The following RLN1 variants were observed in gnomAD, a reference collection of about 807,000 sequenced individuals.
The protein encoded by RLN1 is prorelaxin H1.
A neutral mutation model predicts 7.2 loss-of-function variants in RLN1; 4 were observed. That is an observed-to-expected ratio of 0.56 (90% CI 0.28 to 1.28). RLN1 has a LOEUF of 1.28. RLN1 is among the 50% of genes most tolerant of loss of function. The pLI, the probability that RLN1 is intolerant of heterozygous loss-of-function variation, is 0.11. For synonymous variants in RLN1, 105 were observed against 86.0 expected, an observed-to-expected ratio of 1.22 and a Z score of -1.22; for missense variants, 293 against 221.1, an observed-to-expected ratio of 1.32 and a Z score of -2.06.
chr9:5,335,893 G>C (rs1352630706), intron 1 of RLN1, among the ~76,000 whole-genome samples: 1 of 151,914 alleles, frequency 6.6e-6, no homozygotes, highest in Non-Finnish European at 1.5e-5. Flanking sequence ...ACATTACTCT[G>C]TCATCTTTCT....
intron 1 of RLN1, among the ~76,000 whole-genome samples, chr9:5,338,135 C>T (rs1408164889): frequency 6.2e-5 from 8 of 129,264 alleles, no homozygotes; most frequent in African/African-American, 2.4e-4. Context: ...TTAATATCTA[C>T]GAGTGCTTCT....
Position 5,335,216 on chromosome 9 carries a change from G to T in RLN1, c.*35C>A. ...GTGAAATGTCATCAAGACTATGTGT[G>T]AAAATTAGACAAGATGTGCACAATT... is the stretch of plus-strand genomic sequence containing the variant. On this transcript the variant is annotated 3_prime_UTR_variant, in exon 2 of 2. Transcript: ENST00000223862. The T allele has an allele frequency of 8.8e-6, 12 of 1,366,254 alleles. No individual in the cohort carries two copies. Among genetic ancestry groups the T allele is most frequent in the Non-Finnish European group, 1.2e-5 (12 of 993,326 alleles). 84.6% of individuals were successfully genotyped at this position (1,366,254 alleles called of 1,614,324 possible).
intron 1 of RLN1, among the ~76,000 whole-genome samples, chr9:5,336,708 G>C (rs575704044): frequency 4.6e-5 from 7 of 152,116 alleles, no homozygotes; most frequent in African/African-American, 1.4e-4. Context: ...TGTAAACTCA[G>C]ATCAGGTCTT....
chr9:5,335,226 C>T lies in RLN1; in HGVS notation c.*25G>A, dbSNP rs777682508. The T allele has an allele frequency of 7.0e-7, 1 of 1,428,402 alleles. No individual in the cohort carries two copies. Among genetic ancestry groups the T allele is most frequent in the African/African-American group, 1.4e-5 (1 of 69,650 alleles). The allele number at this position is 1,428,402 out of a possible 1,614,324, so 88.5% of individuals were successfully genotyped here. On this transcript the variant is annotated 3_prime_UTR_variant, in exon 2 of 2. Coordinates refer to ENST00000223862, the MANE Select transcript of RLN1 (RefSeq NM_006911.4). ...ATCAAGACTATGTGTGAAAATTAGA[C>T]AAGATGTGCACAATTAGCTTCATCT...
chr9:5,335,159 C>A lies in RLN1; in HGVS notation c.*92G>T. On this transcript the variant is annotated 3_prime_UTR_variant, in exon 2 of 2. Transcript: ENST00000223862. Reference sequence around the variant, plus strand: ...AACATTAATAAAGATTTCTTATATTCTAATAATTAGTGGGACCTGACAGAA... The same window carrying A: ...AACATTAATAAAGATTTCTTATATTATAATAATTAGTGGGACCTGACAGAA... The A allele has an allele frequency of 1.5e-6, 1 of 680,498 alleles. No individual in the cohort carries two copies. The highest frequency in any genetic ancestry group is 2.7e-5 in the South Asian group (1 of 37,054). The allele number at this position is 680,498 out of a possible 1,614,324, so 42.2% of individuals were successfully genotyped here. A position where few individuals can be genotyped will look rare whatever the true frequency, so the allele number is the denominator to read the frequency against.
intron 1 of RLN1, among the ~76,000 whole-genome samples, chr9:5,335,927 C>G (rs1411846903): frequency 1.3e-5 from 2 of 152,032 alleles, no homozygotes; most frequent in African/African-American, 4.8e-5. Context: ...TCATTGGAAA[C>G]AGTTTGGCCA....
upstream of RLN1, among the ~76,000 whole-genome samples, chr9:5,340,586 A>T (rs1215149620): frequency 6.6e-6 from 1 of 152,258 alleles, no homozygotes; most frequent in African/African-American, 2.4e-5. Context: ...AAAGCAGTGG[A>T]CATCCCACAT....
chr9:5,335,482 T>C lies in RLN1; in HGVS notation c.327A>G (p.Leu109=). Residue 109 remains leucine, a synonymous_variant, in exon 2 of 2, where the codon TTA becomes TTG. Transcript: ENST00000223862. ...CAGGTACATACTGCTGTAGCTCTGG[T>C]AATGATGGTTGCCTCTCAGATAGGG... ...KAALSERQPS[L]PELQQYVPAL... 5 of 1,613,424 alleles carry C rather than the reference T, an allele frequency of 3.1e-6. No individual in the cohort carries two copies. The highest frequency in any genetic ancestry group is 2.2e-5 in the East Asian group (1 of 44,862).
At chr9:5,340,184 A>T (rs567567837), upstream of RLN1, among the ~76,000 whole-genome samples, 1 of 152,196 alleles carries the variant, frequency 6.6e-6, no homozygotes, top group Non-Finnish European at 1.5e-5. Flanking sequence ...TTTGCCAAAA[A>T]CCCTTCTAAC....
chr9:5,335,641 T>A (rs776401723), intron 1 of RLN1, 44 bp from the exon 2 acceptor site: 3 of 1,183,528 alleles, frequency 2.5e-6, no homozygotes, highest in Admixed American at 2.2e-5. Context: ...CGTATTCACG[T>A]CAAAGAGCAT....
Position 5,339,549 on chromosome 9 carries a change from A to C in RLN1, c.198T>G (p.Pro66=). The C allele has an allele frequency of 6.3e-7, 1 of 1,591,106 alleles. No individual in the cohort carries two copies. The highest frequency in any genetic ancestry group is 8.5e-7 in the Non-Finnish European group (1 of 1,171,746). ...SLSQEDAPQT[P]RPVAEIVPSF... The stretch of plus-strand genomic sequence containing the variant: ...GGGAGCTCTCACCTGCCACTGGTCT[A>C]GGTGTCTGAGGAGCATCTTCCTGGC... The change falls in exon 1 of 2, where the codon CCT becomes CCG. Residue 66 remains proline (P), a synonymous_variant. Transcript: ENST00000223862.
rs1409216869 is a variant in RLN1, at chr9:5,335,249, T to C, written c.*2A>G. 1.3e-6 allele frequency: 2 copies of C among 1,567,422 alleles called. No homozygotes were observed. The highest frequency in any genetic ancestry group is 8.6e-7 in the Non-Finnish European group (1 of 1,156,798). On this transcript the variant is annotated 3_prime_UTR_variant, in exon 2 of 2. Coordinates refer to ENST00000223862, the MANE Select transcript of RLN1 (RefSeq NM_006911.4). Reference sequence around the variant, plus strand: ...GACAAGATGTGCACAATTAGCTTCATCTCAGCAATATTTAGCAAGAGACCT... The same window carrying C: ...GACAAGATGTGCACAATTAGCTTCACCTCAGCAATATTTAGCAAGAGACCT...
At chr9:5,337,684 G>T (rs1479753043) in intron 1 of RLN1, among the ~76,000 whole-genome samples, 5 of 151,908 alleles carry the variant, frequency 3.3e-5, no homozygotes, top group Non-Finnish European at 7.4e-5. Flanking sequence ...TTCCTACCTA[G>T]TAACGGTAAA....
rs1414221724 is a variant in RLN1, at chr9:5,335,218, A to T, written c.*33T>A. On this transcript the variant is annotated 3_prime_UTR_variant, in exon 2 of 2. Transcript: ENST00000223862. ...GAAATGTCATCAAGACTATGTGTGA[A>T]AATTAGACAAGATGTGCACAATTAG... is the stretch of plus-strand genomic sequence containing the variant. 7.2e-7 allele frequency: 1 copy of T among 1,386,202 alleles called. No individual in the cohort carries two copies. The highest frequency in any genetic ancestry group is 1.5e-5 in the African/African-American group (1 of 68,794). The allele number at this position is 1,386,202 out of a possible 1,614,324, so 85.9% of individuals were successfully genotyped here.
intron 1 of RLN1, among the ~76,000 whole-genome samples, chr9:5,337,284 C>T (rs1043518910): frequency 6.6e-6 from 1 of 151,710 alleles, no homozygotes; most frequent in African/African-American, 2.4e-5. Context: ...ATGAATCAGC[C>T]AAAACAGTTA....
In RLN1 at chr9:5,335,206, G is replaced by C. The variant is rs747991114; in HGVS notation, c.*45C>G. On this transcript the variant is annotated 3_prime_UTR_variant, in exon 2 of 2. Transcript: ENST00000223862. Reference sequence around the variant, plus strand: ...AGAAGCATCAGTGAAATGTCATCAAGACTATGTGTGAAAATTAGACAAGAT... The same window carrying C: ...AGAAGCATCAGTGAAATGTCATCAACACTATGTGTGAAAATTAGACAAGAT... 11 of 1,201,012 alleles carry C rather than the reference G, an allele frequency of 9.2e-6. No homozygotes were observed. The Admixed American group carries it at 1.8e-4, about 20-fold the overall frequency. The allele number at this position is 1,201,012 out of a possible 1,614,324, so 74.4% of individuals were successfully genotyped here. A position where few individuals can be genotyped will look rare whatever the true frequency, so the allele number is the denominator to read the frequency against.
Position 5,335,246 on chromosome 9 carries a change from T to A in RLN1, c.*5A>T, listed in dbSNP as rs1183248091. 2 of 1,553,430 alleles carry A rather than the reference T, an allele frequency of 1.3e-6. No individual in the cohort carries two copies. Among genetic ancestry groups the A allele is most frequent in the African/African-American group, 2.8e-5 (2 of 72,228 alleles). ...TTAGACAAGATGTGCACAATTAGCT[T>A]CATCTCAGCAATATTTAGCAAGAGA... On this transcript the variant is annotated 3_prime_UTR_variant, in exon 2 of 2. Coordinates refer to ENST00000223862, the MANE Select transcript of RLN1 (RefSeq NM_006911.4).
At chr9:5,339,273 C>A in intron 1 of RLN1, 2 of 325,900 alleles carry the variant, frequency 6.1e-6, no homozygotes, top group Non-Finnish European at 1.0e-5. Context: ...GAAAGGGCAC[C>A]AAGGAACTCT....
chr9:5,337,403 G>C (rs1816919080), intron 1 of RLN1, among the ~76,000 whole-genome samples: 1 of 151,898 alleles, frequency 6.6e-6, no homozygotes, highest in Admixed American at 6.6e-5. Context: ...TTTAGCTATG[G>C]AACCTAGGCT....
Sources: gnomAD v4.1 joint callset for allele counts (sites outside exome capture counted in the v4.1 genomes callset) on GRCh38, gnomAD v4.1.1 for gene constraint, MANE v1.5 for transcripts, NCBI Gene and HGNC (gene_info 2026-07-23, HGNC 2026-07-21) for gene names.